NCALD: variants seen among roughly 807,000 people sequenced by gnomAD.
The protein encoded by NCALD is neurocalcin-delta.
In NCALD, 10 loss-of-function variants were observed where a neutral mutation model predicts 18.6. The observed-to-expected ratio is 0.54, with a 90% CI of 0.33 to 0.91. The LOEUF (loss-of-function observed/expected upper bound fraction) is 0.91, where lower values mean the gene tolerates loss of function less well. NCALD is among the 40% of genes least tolerant of loss of function. The probability of loss-of-function intolerance (pLI) is 0.03; values close to 1 mark genes in which losing one functional copy is unlikely to be tolerated. For synonymous variants in NCALD, 88 were observed against 87.4 expected (o/e 1.01, Z -0.04); for missense variants, 184 against 247.6 (o/e 0.74, Z 1.72).
chr8:101,886,728 T>C (rs1816687038), intron 4 of NCALD, among the ~76,000 whole-genome samples: 1 of 152,230 alleles, frequency 6.6e-6, no homozygotes, highest in Non-Finnish European at 1.5e-5. Context: ...CTCTACTTGC[T>C]GCATAATATC....
chr8:101,692,960 T>C, intron 2 of NCALD, 64 bp from the exon 3 acceptor site: 2 of 1,199,040 alleles, frequency 1.7e-6, no homozygotes, highest in East Asian at 2.4e-5. Flanking sequence ...AGACCTATCA[T>C]TAAACCTCCC....
At chr8:101,724,974 A>T (rs1391451560) in intron 1 of NCALD, among the ~76,000 whole-genome samples, 1 of 152,238 alleles carries the variant, frequency 6.6e-6, no homozygotes, top group Non-Finnish European at 1.5e-5. Context: ...ACAGGCACTA[A>T]GTGTCTACTG....
chr8:102,028,700 A>T (rs1330994323), intron 1 of NCALD, among the ~76,000 whole-genome samples: 1 of 152,212 alleles, frequency 6.6e-6, no homozygotes, highest in African/African-American at 2.4e-5. Flanking sequence ...TTTGCCCGCC[A>T]TATGTGAATT....
intron 1 of NCALD, among the ~76,000 whole-genome samples, chr8:101,761,807 C>A (rs969466241): frequency 2.6e-5 from 4 of 152,196 alleles, no homozygotes; most frequent in Admixed American, 6.5e-5. Context: ...TAAGTTCTGG[C>A]CAATCAGTTG....
intron 4 of NCALD, among the ~76,000 whole-genome samples, chr8:101,817,292 G>A (rs1813534740): frequency 6.6e-6 from 1 of 152,102 alleles, no homozygotes; most frequent in African/African-American, 2.4e-5. Flanking sequence ...GGAGCGCCTG[G>A]GAAGCAGATC....
At chr8:101,800,747 T>C (rs940415441) in intron 4 of NCALD, among the ~76,000 whole-genome samples, 2 of 149,004 alleles carry the variant, frequency 1.3e-5, no homozygotes, top group African/African-American at 5.0e-5. Context: ...CAATACATAA[T>C]ACTTTATAGC....
chr8:102,022,167 T>C lies in NCALD; in HGVS notation c.-209-1878A>G, dbSNP rs73275015. Among the ~76,000 whole-genome samples, 1,170 of 152,092 alleles carry C rather than the reference T, an allele frequency of 7.7e-3. 16 individuals are homozygous for C. The highest frequency in any genetic ancestry group is 0.027 in the African/African-American group (1,101 of 41,476). On this transcript the variant is annotated intron_variant, in intron 1 of 6. Coordinates refer to the NCALD transcript ENST00000311028. Reference sequence around the variant, plus strand: ...TAGAAACCAGAGGTCGGGGAGCCCATTGATGGGATCCATGGAGACCAGCCT... The same window carrying C: ...TAGAAACCAGAGGTCGGGGAGCCCACTGATGGGATCCATGGAGACCAGCCT...
chr8:102,062,230 G>C (rs933951060), intron 1 of NCALD, among the ~76,000 whole-genome samples: 1 of 152,220 alleles, frequency 6.6e-6, no homozygotes, highest in African/African-American at 2.4e-5. Context: ...TTGAGTCCAG[G>C]AGTTCAAGGT....
At chr8:102,099,079 G>A (rs1197832651) in intron 1 of NCALD, among the ~76,000 whole-genome samples, 1 of 152,224 alleles carries the variant, frequency 6.6e-6, no homozygotes, top group Non-Finnish European at 1.5e-5. Context: ...GAGGTAGAAA[G>A]TGTGAGAAAG....
chr8:102,024,841 G>T (rs1822397075), intron 1 of NCALD, among the ~76,000 whole-genome samples: 1 of 152,110 alleles, frequency 6.6e-6, no homozygotes, highest in Admixed American at 6.6e-5. Context: ...ACCCTTCAGT[G>T]GCTCCCTGCT....
At chr8:101,691,810 T>C (rs766841204) in intron 3 of NCALD, 9 of 985,422 alleles carry the variant, frequency 9.1e-6, no homozygotes, top group Non-Finnish European at 9.6e-6. Context: ...AGCCGCCTTC[T>C]GCTGTTCTAT....
chr8:102,121,962 T>C (rs1283814844), intron 1 of NCALD, among the ~76,000 whole-genome samples: 1 of 152,264 alleles, frequency 6.6e-6, no homozygotes, highest in East Asian at 1.9e-4. Flanking sequence ...GATGTTTGTT[T>C]ATTCATTCAA....
chr8:101,994,670 C>A (rs937021431), intron 2 of NCALD, among the ~76,000 whole-genome samples: 2 of 152,234 alleles, frequency 1.3e-5, no homozygotes, highest in African/African-American at 4.8e-5. Context: ...CTGAATCCTG[C>A]CTCTACTACA....
At chr8:101,987,036 A>C (rs950765108) in intron 2 of NCALD, among the ~76,000 whole-genome samples, 1 of 152,166 alleles carries the variant, frequency 6.6e-6, no homozygotes, top group Non-Finnish European at 1.5e-5. Flanking sequence ...TTTATCTTAA[A>C]TTTATTATGT....
chr8:101,753,551 C>T (rs564769110), intron 1 of NCALD, among the ~76,000 whole-genome samples: 8 of 152,198 alleles, frequency 5.3e-5, no homozygotes, highest in South Asian at 2.1e-4. Context: ...TATTGATTAG[C>T]GTAAGGCAGT....
intron 4 of NCALD, among the ~76,000 whole-genome samples, chr8:101,834,061 A>C (rs949233237): frequency 1.3e-5 from 2 of 152,230 alleles, no homozygotes; most frequent in African/African-American, 4.8e-5. Context: ...CATAACTGGC[A>C]ACAAAGATCT....
In NCALD at chr8:101,944,625, T is replaced by C. The variant is rs141527312; in HGVS notation, c.-156-28767A>G. 4.5e-3 allele frequency among the ~76,000 whole-genome samples: 691 copies of C among 152,308 alleles called. 10 individuals carry two copies. The highest frequency in any genetic ancestry group is 0.016 in the African/African-American group (660 of 41,578). On this transcript the variant is annotated intron_variant, in intron 2 of 6. Coordinates refer to the NCALD transcript ENST00000311028. The stretch of plus-strand genomic sequence containing the variant: ...TATCACCTGAGATCCCTTTTCCCAT[T>C]GGGCAGTGCCAATTGGAGACCATGC...
At chr8:101,727,833 T>C (rs766072973) in intron 1 of NCALD, among the ~76,000 whole-genome samples, 2 of 152,216 alleles carry the variant, frequency 1.3e-5, no homozygotes, top group Non-Finnish European at 2.9e-5. Context: ...CACCTTGGCC[T>C]CCTGGATGTC....
intron 1 of NCALD, among the ~76,000 whole-genome samples, chr8:101,756,868 T>C (rs1309466250): frequency 6.6e-6 from 1 of 152,324 alleles, no homozygotes; most frequent in East Asian, 1.9e-4. Flanking sequence ...AGGAATTGAC[T>C]GACTTTTTCA....
Sources: gnomAD v4.1 joint callset for allele counts (sites outside exome capture counted in the v4.1 genomes callset) on GRCh38, gnomAD v4.1.1 for gene constraint, MANE v1.5 for transcripts, NCBI Gene and HGNC (gene_info 2026-07-23, HGNC 2026-07-21) for gene names.